The following ENGASE variants were observed in gnomAD, a reference collection of about 807,000 sequenced individuals.
The protein encoded by ENGASE is cytosolic endo-beta-N-acetylglucosaminidase.
A neutral mutation model predicts 78.5 loss-of-function variants in ENGASE; 69 were observed. That is an observed-to-expected ratio of 0.88 (90% CI 0.72 to 1.07). ENGASE has a LOEUF of 1.07. Ranked by LOEUF, ENGASE falls within the 50% of genes least tolerant of loss-of-function variation. ENGASE has a pLI of 0.00. For missense variants in ENGASE, 943 were observed against 988.4 expected (o/e 0.95, Z 0.62); for synonymous variants, 408 against 408.9 (o/e 1.00, Z 0.03).
intron 6 of ENGASE, among the ~76,000 whole-genome samples, chr17:79,081,351 A>G (rs916211277): frequency 6.6e-6 from 1 of 152,092 alleles, no homozygotes; most frequent in African/African-American, 2.4e-5. Flanking sequence ...AAATACAAAA[A>G]ATTAGCTGGG....
rs1407687429 is a variant in ENGASE, at chr17:79,086,737, G to A, written c.*388G>A. On this transcript the variant is annotated 3_prime_UTR_variant, in exon 14 of 14. Transcript: ENST00000579016. ...AATGATGATTTTCTTTCCTGCAGAT[G>A]AAACTATTAGAAAGGGTCTTAGATT... 2.7e-6 allele frequency: 1 copy of A among 369,672 alleles called. No homozygotes were observed. The highest frequency in any genetic ancestry group is 5.3e-6 in the Non-Finnish European group (1 of 189,368). 22.9% of individuals were successfully genotyped at this position (369,672 alleles called of 1,614,324 possible).
chr17:79,081,653 G>A (rs985324749), intron 6 of ENGASE, among the ~76,000 whole-genome samples: 3 of 151,880 alleles, frequency 2.0e-5, no homozygotes, highest in African/African-American at 7.3e-5. Context: ...TGAGTTGCAG[G>A]TGCCTCTGAG....
intron 11 of ENGASE, 108 bp from the exon 12 acceptor site, chr17:79,085,126 G>T: frequency 1.2e-6 from 1 of 857,326 alleles, no homozygotes; most frequent in Admixed American, 1.9e-5. Flanking sequence ...CGAGCGTCTG[G>T]CCGAATCAGG....
intron 6 of ENGASE, 125 bp downstream of exon 6, chr17:79,081,198 T>A: frequency 7.9e-7 from 1 of 1,258,540 alleles, no homozygotes; most frequent in Non-Finnish European, 1.1e-6. Flanking sequence ...ATGACTGCAT[T>A]GGGTAAAAAG....
intron 3 of ENGASE, 47 bp downstream of exon 3, chr17:79,077,911 G>A (rs372553295): frequency 2.0e-6 from 3 of 1,519,032 alleles, no homozygotes; most frequent in African/African-American, 2.7e-5. Flanking sequence ...GTTCTCCTTT[G>A]CTGGGGTGGG....
chr17:79,086,060 C>T lies in ENGASE; in HGVS notation c.1943C>T (p.Thr648Ile). The change falls in exon 14 of 14, where the codon ACC becomes ATC. Residue 648 changes from threonine (T) to isoleucine (I), a missense_variant. Thr to Ile is a moderately conservative substitution (Grantham distance 89). Transcript: ENST00000579016. ...CCTGCTCTGCTCCAGCTCAGCTGCACCCTGCACTGGTCCTTCCTCCTCTCA... is the reference window on the plus strand; with the variant it reads ...CCTGCTCTGCTCCAGCTCAGCTGCATCCTGCACTGGTCCTTCCTCCTCTCA... Reference protein sequence around the residue: ...GPPALLQLSCTLHWSFLLSQV... With the variant: ...GPPALLQLSCILHWSFLLSQV... The T allele has an allele frequency of 6.2e-7, 1 of 1,613,472 alleles. No homozygotes were observed. Among genetic ancestry groups the T allele is most frequent in the Non-Finnish European group, 8.5e-7 (1 of 1,180,050 alleles).
intron 5 of ENGASE, 30 bp downstream of exon 5, chr17:79,080,394 GC>G: frequency 6.3e-7 from 1 of 1,587,740 alleles, no homozygotes; most frequent in Non-Finnish European, 8.6e-7. Context: ...CCACCTCCCC[GC>G]CCCTTGCTGT....
In ENGASE at chr17:79,081,888, T is replaced by G; in HGVS notation, c.873-10T>G. The stretch of plus-strand genomic sequence containing the variant: ...CCTGGGCCTCACAGCAGGTCCTTGT[T>G]GCTTCTCAGGGTCTTCTTTGATTCC... On this transcript the variant is annotated splice_polypyrimidine_tract_variant and intron_variant, in intron 6 of 13. Transcript: ENST00000579016. 6.2e-7 allele frequency: 1 copy of G among 1,606,822 alleles called. No homozygotes were observed. Among genetic ancestry groups the G allele is most frequent in the East Asian group, 2.2e-5 (1 of 44,794 alleles).
At chr17:79,078,775 C>T (rs893782251) in intron 3 of ENGASE, among the ~76,000 whole-genome samples, 2 of 152,244 alleles carry the variant, frequency 1.3e-5, no homozygotes, top group Non-Finnish European at 2.9e-5. Flanking sequence ...TTGGGCGCAG[C>T]TCACAGGGCT....
In ENGASE at chr17:79,085,717, C is replaced by A. The variant is rs192044711; in HGVS notation, c.1798C>A (p.Arg600=). The part of the protein sequence containing the change: ...GSREEESFTC[R]LGEIQVVDAA... ...TCGGGAGGAGGAGAGCTTCACCTGT[C>A]GGCTTGGAGAGATCCAGGTGATGCT... The change falls in exon 13 of 14, where the codon CGG becomes AGG. Residue 600 remains arginine (R), a synonymous_variant. Coordinates refer to ENST00000579016, the MANE Select transcript of ENGASE (RefSeq NM_001042573.3). The A allele has an allele frequency of 8.6e-5, 139 of 1,613,746 alleles. 1 individual carries two copies. In the African/African-American group the frequency reaches 1.5e-3, roughly 17 times the overall value.
intron 4 of ENGASE, 79 bp from the exon 5 acceptor site, chr17:79,080,128 C>T (rs978324338): frequency 5.0e-5 from 74 of 1,492,556 alleles, no homozygotes; most frequent in African/African-American, 4.2e-4. Flanking sequence ...GCTGCTGGTT[C>T]GAGAACCTCG....
At chr17:79,080,780 C>A in intron 5 of ENGASE, 145 bp from the exon 6 acceptor site, 1 of 1,082,156 alleles carries the variant, frequency 9.2e-7, no homozygotes, top group Non-Finnish European at 1.3e-6. Context: ...ACTTGCGGGG[C>A]TGTGGCGGGG....
At chr17:79,080,591 G>A (rs1197398252) in intron 5 of ENGASE, among the ~76,000 whole-genome samples, 5 of 152,200 alleles carry the variant, frequency 3.3e-5, no homozygotes, top group Admixed American at 1.3e-4. Flanking sequence ...CGGCTCCCAC[G>A]TTTCCCGCCC....
chr17:79,079,595 G>T lies in ENGASE; in HGVS notation c.523G>T (p.Gly175Cys), dbSNP rs781671656. Residue 175 changes from glycine (G) to cysteine (C), a missense_variant, in exon 4 of 14, where the codon GGC (glycine) becomes TGC (cysteine). Gly to Cys is a radical substitution (Grantham distance 159, BLOSUM62 -3). Transcript: ENST00000579016. Reference protein sequence around the residue: ...SHHTVTIPPVGWTNTAHRHGV... With the variant: ...SHHTVTIPPVCWTNTAHRHGV... ...CCACACCGTCACCATTCCCCCAGTG[G>T]GCTGGACCAACACTGCCCACAGGCA... The T allele has an allele frequency of 6.2e-7, 1 of 1,614,008 alleles. No individual in the cohort carries two copies. Among genetic ancestry groups the T allele is most frequent in the South Asian group, 1.1e-5 (1 of 91,072 alleles).
At position 79,083,673 on chromosome 17, in the gene ENGASE, C is replaced by T. The variant is rs2001248; in HGVS notation, c.1251+83C>T. 196,225 of 1,560,274 alleles carry T rather than the reference C, an allele frequency of 0.13. 13,200 individuals carry two copies. The highest frequency in any genetic ancestry group is 0.16 in the Admixed American group (9,680 of 58,822). On this transcript the variant is annotated intron_variant, in intron 9 of 13. Transcript: ENST00000579016. The surrounding 1 kb of genome is among the most constrained non-coding windows in gnomAD (Gnocchi z 4.9). ...GGAGCCTGGGACTTGCCAGCAGGCA[C>T]GGTGGTGGTCTTACCCTTCCCTGCC...
Position 79,086,282 on chromosome 17 carries a change from A to G in ENGASE, c.2165A>G (p.Lys722Arg), listed in dbSNP as rs959125132. ...RMEFLVEPVP[K>R]EGFRVPQAEW... is the part of the protein sequence containing the mutation. Reference sequence around the variant, plus strand: ...GAATTTCTGGTGGAGCCTGTCCCCAAGGAAGGGTTCCGGGTACCTCAGGCC... The same window carrying G: ...GAATTTCTGGTGGAGCCTGTCCCCAGGGAAGGGTTCCGGGTACCTCAGGCC... Residue 722 changes from lysine (K) to arginine (R), a missense_variant, in exon 14 of 14, where the codon AAG becomes AGG. Coordinates refer to ENST00000579016, the MANE Select transcript of ENGASE (RefSeq NM_001042573.3). 1.1e-5 allele frequency: 17 copies of G among 1,613,544 alleles called. No homozygotes were observed. The Admixed American group carries it at 1.8e-4, about 17-fold the overall frequency.
intron 12 of ENGASE, 23 bp downstream of exon 12, chr17:79,085,365 G>A (rs375901793): frequency 7.7e-6 from 12 of 1,560,696 alleles, no homozygotes; most frequent in South Asian, 3.5e-5. Flanking sequence ...GCTTCTTCAC[G>A]TCCTTCTCCC....
Position 79,087,257 on chromosome 17 carries a change from C to T in ENGASE, c.*908C>T, listed in dbSNP as rs979701290. 5.8e-6 allele frequency: 2 copies of T among 347,274 alleles called. No individual in the cohort carries two copies. Among genetic ancestry groups the T allele is most frequent in the Non-Finnish European group, 1.2e-5 (2 of 173,818 alleles). The allele number at this position is 347,274 out of a possible 1,614,324, so 21.5% of individuals were successfully genotyped here. ...CAGCCTGAGTGCAGGAGCTGCAGGACCCGCGGGGGCTTTTCCAGCTACTCT... is the reference window on the plus strand; with the variant it reads ...CAGCCTGAGTGCAGGAGCTGCAGGATCCGCGGGGGCTTTTCCAGCTACTCT... On this transcript the variant is annotated 3_prime_UTR_variant, in exon 14 of 14. Coordinates refer to ENST00000579016, the MANE Select transcript of ENGASE (RefSeq NM_001042573.3).
intron 7 of ENGASE, chr17:79,082,483 T>C: frequency 8.3e-7 from 1 of 1,202,902 alleles, no homozygotes; most frequent in South Asian, 1.5e-5. Flanking sequence ...TGGGGATCGG[T>C]AGGTGTCATG....
Sources: allele counts gnomAD v4.1 joint callset (sites outside exome capture counted in the v4.1 genomes callset), GRCh38; gene constraint gnomAD v4.1.1; non-coding constraint Gnocchi (gnomAD v3.1); transcripts MANE v1.5; gene names NCBI Gene and HGNC (gene_info 2026-07-23, HGNC 2026-07-21).